The following PGBD5 variants were observed in gnomAD, a reference collection of about 807,000 sequenced individuals.
PGBD5 encodes piggyBac transposable element-derived protein 5.
PGBD5 carries 14 observed loss-of-function variants against 47.9 expected under a neutral mutation model. The ratio of observed to expected loss-of-function variants is 0.29; its 90% confidence interval spans 0.19 to 0.46. PGBD5 has a LOEUF of 0.46. PGBD5 is among the 20% of genes least tolerant of loss of function. The probability of loss-of-function intolerance (pLI) is 1.00; values close to 1 mark genes in which losing one functional copy is unlikely to be tolerated. For synonymous variants in PGBD5, 316 were observed against 306.3 expected, an observed-to-expected ratio of 1.03 and a Z score of -0.33; for missense variants, 635 against 716.0, an observed-to-expected ratio of 0.89 and a Z score of 1.29.
Position 230,426,043 on chromosome 1 carries a change from G to C in PGBD5, c.-115C>G. 1 of 427,026 alleles carries C rather than the reference G, an allele frequency of 2.3e-6. No individual in the cohort carries two copies. Among genetic ancestry groups the C allele is most frequent in the Non-Finnish European group, 3.1e-6 (1 of 323,132 alleles). The allele number at this position is 427,026 out of a possible 1,614,324, so 26.5% of individuals were successfully genotyped here. On this transcript the variant is annotated 5_prime_UTR_variant, in exon 1 of 7. Coordinates refer to ENST00000391860, the MANE Select transcript of PGBD5 (RefSeq NM_001258311.2). ...CCACCAGCGCAGCCCGCAGCACAGC[G>C]CCCGCCGCCCCGTGCCCGGCCGGCC...
intron 1 of PGBD5, among the ~76,000 whole-genome samples, chr1:230,407,779 C>T (rs1435639293): frequency 2.6e-5 from 4 of 152,064 alleles, no homozygotes; most frequent in African/African-American, 9.7e-5. Context: ...TTTCCTCAAG[C>T]GATTATGAGA....
intron 1 of PGBD5, among the ~76,000 whole-genome samples, chr1:230,394,253 C>T (rs767509577): frequency 5.3e-4 from 80 of 151,982 alleles, no homozygotes; most frequent in Non-Finnish European, 8.7e-4. Context: ...CCCTCAAGAA[C>T]CTCCGTTTCG....
chr1:230,358,593 C>T (rs928634537), intron 1 of PGBD5, among the ~76,000 whole-genome samples: 1 of 151,884 alleles, frequency 6.6e-6, no homozygotes, highest in Non-Finnish European at 1.5e-5. Context: ...ACCTCCCCGC[C>T]CCCCCACAAG....
intron 1 of PGBD5, among the ~76,000 whole-genome samples, chr1:230,359,334 G>A (rs1306808332): frequency 6.6e-6 from 1 of 152,168 alleles, no homozygotes; most frequent in Non-Finnish European, 1.5e-5. Flanking sequence ...AAAGTGCTGG[G>A]ATTACAGGTG....
intron 1 of PGBD5, among the ~76,000 whole-genome samples, chr1:230,418,157 T>C (rs184203376): frequency 9.2e-5 from 14 of 152,246 alleles, no homozygotes; most frequent in Admixed American, 6.5e-4. Context: ...AAATATACAA[T>C]GAATCCATGG....
chr1:230,341,876 T>G (rs952014150), intron 3 of PGBD5, among the ~76,000 whole-genome samples: 1 of 152,132 alleles, frequency 6.6e-6, no homozygotes, highest in East Asian at 1.9e-4. Flanking sequence ...CCTAAAAAGT[T>G]TTTTTGCTCC....
intron 2 of PGBD5, among the ~76,000 whole-genome samples, chr1:230,355,918 A>G (rs897527363): frequency 1.3e-5 from 2 of 152,200 alleles, no homozygotes; most frequent in Non-Finnish European, 2.9e-5. Flanking sequence ...TGCCTTCCCC[A>G]CAAAAACCCT....
intron 1 of PGBD5, among the ~76,000 whole-genome samples, chr1:230,409,876 A>G (rs1657378101): frequency 6.6e-6 from 1 of 152,224 alleles, no homozygotes; most frequent in Non-Finnish European, 1.5e-5. Flanking sequence ...CAAAATATCA[A>G]AAATGGGGAA....
rs139062509 is a variant in PGBD5, at chr1:230,422,326, G to C, written c.331+3272C>G. On this transcript the variant is annotated intron_variant, in intron 1 of 6. Coordinates refer to ENST00000391860, the MANE Select transcript of PGBD5 (RefSeq NM_001258311.2). The stretch of plus-strand genomic sequence containing the variant: ...CTCAGAATAAGAAACCAAAAGGGCA[G>C]AGGCTCAAAAAGCAGCCGGGCCTGA... 1.6e-3 allele frequency among the ~76,000 whole-genome samples: 246 copies of C among 152,210 alleles called. 2 individuals are homozygous for C. Among genetic ancestry groups the C allele is most frequent in the Admixed American group, 0.015 (230 of 15,302 alleles).
intron 2 of PGBD5, among the ~76,000 whole-genome samples, 172 bp downstream of exon 2, chr1:230,356,722 C>A (rs1359936436): frequency 6.6e-6 from 1 of 152,154 alleles, no homozygotes; most frequent in Non-Finnish European, 1.5e-5. Context: ...CCCCTCCGAT[C>A]TCATTTGGAT....
intron 1 of PGBD5, among the ~76,000 whole-genome samples, chr1:230,417,402 T>G (rs1489935278): frequency 6.6e-6 from 1 of 152,200 alleles, no homozygotes; most frequent in African/African-American, 2.4e-5. Context: ...TCTACATCCA[T>G]GCCTGAACCT....
chr1:230,333,655 A>G (rs189378739), intron 4 of PGBD5, among the ~76,000 whole-genome samples: 10 of 152,302 alleles, frequency 6.6e-5, no homozygotes, highest in African/African-American at 2.2e-4. Context: ...CGGAGCCCCC[A>G]TCTCCTTGGG....
intron 1 of PGBD5, among the ~76,000 whole-genome samples, chr1:230,385,401 A>G (rs1173075098): frequency 6.6e-6 from 1 of 152,172 alleles, no homozygotes; most frequent in African/African-American, 2.4e-5. Flanking sequence ...ATAAGTCCTT[A>G]AAGTATTTCC....
At position 230,357,042 on chromosome 1, in the gene PGBD5, C is replaced by T; in HGVS notation, c.611G>A (p.Ser204Asn). 6.2e-7 allele frequency: 1 copy of T among 1,614,158 alleles called. No individual in the cohort carries two copies. The highest frequency in any genetic ancestry group is 8.5e-7 in the Non-Finnish European group (1 of 1,180,038). The change falls in exon 2 of 7, where the codon AGC (serine) becomes AAC (asparagine). Residue 204 changes from serine to asparagine, a missense_variant. By Grantham distance (46) the Ser-to-Asn change is conservative (BLOSUM62 1). Coordinates refer to ENST00000391860, the MANE Select transcript of PGBD5 (RefSeq NM_001258311.2). This position sits in a 1 kb window ranked among gnomAD's most constrained non-coding sequence, Gnocchi z 5.7. Reference sequence around the variant, plus strand: ...GAGGATCTTCTCGAAGCGGGCCTGGCTCATGACGAGGGCGAGGCTGCGGTT... The same window carrying T: ...GAGGATCTTCTCGAAGCGGGCCTGGTTCATGACGAGGGCGAGGCTGCGGTT... ...YSNRSLALVM[S>N]QARFEKILKY...
intron 3 of PGBD5, among the ~76,000 whole-genome samples, chr1:230,349,124 T>A (rs1361122524): frequency 6.6e-6 from 1 of 152,348 alleles, no homozygotes; most frequent in East Asian, 1.9e-4. Context: ...GAGAGATCTG[T>A]GGCCTTGGCC....
chr1:230,414,651 G>A (rs1481918298), intron 1 of PGBD5, among the ~76,000 whole-genome samples: 2 of 152,178 alleles, frequency 1.3e-5, no homozygotes, highest in Non-Finnish European at 2.9e-5. Flanking sequence ...CACAGGCTGT[G>A]CTCCAACACC....
rs1667243717 is a variant in PGBD5 at position 230,332,891 on chromosome 1, T to C, written c.1226A>G (p.Lys409Arg). The C allele has an allele frequency of 6.2e-7, 1 of 1,614,154 alleles. No individual in the cohort carries two copies. The highest frequency in any genetic ancestry group is 8.5e-7 in the Non-Finnish European group (1 of 1,180,004). The change falls in exon 5 of 7, where the codon AAA becomes AGA. Residue 409 changes from lysine to arginine, a missense_variant. Coordinates refer to ENST00000391860, the MANE Select transcript of PGBD5 (RefSeq NM_001258311.2). Reference protein sequence around the residue: ...GNMSLICWYNKGHFRFLTNAY... With the variant: ...GNMSLICWYNRGHFRFLTNAY... ...GTTGGTCAGGAAGCGGAAGTGTCCT[T>C]TGTTGTACCAGCAGATCAAGGACAT... is the stretch of plus-strand genomic sequence containing the variant.
chr1:230,337,559 T>C (rs192720215), intron 3 of PGBD5, among the ~76,000 whole-genome samples: 2 of 152,290 alleles, frequency 1.3e-5, no homozygotes, highest in Non-Finnish European at 2.9e-5. Flanking sequence ...AATGGGATGG[T>C]GCAAATACAT....
intron 1 of PGBD5, among the ~76,000 whole-genome samples, chr1:230,407,075 T>C (rs1657315336): frequency 6.6e-6 from 1 of 152,210 alleles, no homozygotes; most frequent in Non-Finnish European, 1.5e-5. Flanking sequence ...CCTCAGGTGA[T>C]CCGCCTGCCT....
Sources: allele counts gnomAD v4.1 joint callset (sites outside exome capture counted in the v4.1 genomes callset), GRCh38; gene constraint gnomAD v4.1.1; non-coding constraint Gnocchi (gnomAD v3.1); transcripts MANE v1.5; gene names NCBI Gene and HGNC (gene_info 2026-07-23, HGNC 2026-07-21).